Variants in CARNS1 observed in about 807,000 individuals in gnomAD.
CARNS1 encodes the protein carnosine synthase 1, also known as ATP-grasp domain containing 1.
A neutral mutation model predicts 74.0 loss-of-function variants in CARNS1; 61 were observed. That is an observed-to-expected ratio of 0.82 (90% confidence interval 0.67 to 1.02). CARNS1 has a LOEUF of 1.02. CARNS1 is among the 50% of genes least tolerant of loss of function. The pLI, the probability that CARNS1 is intolerant of heterozygous loss-of-function variation, is 0.00. For missense variants in CARNS1, 1,278 were observed against 1,308.4 expected (o/e 0.98, Z 0.36); for synonymous variants, 568 against 605.5 (o/e 0.94, Z 0.91).
At chr11:67,421,269 T>TGGAGGCGGGACCCCGGGGC in intron 9 of CARNS1, 50 bp downstream of exon 9, 1 of 1,392,698 alleles carries the variant, frequency 7.2e-7, no homozygotes, top group Non-Finnish European at 9.2e-7. Flanking sequence ...GCCCGAGTGG[T>TGGAGGCGGGACCCCGGGGC]GGAGGCGGGA....
chr11:67,416,537 A>C, intron 2 of CARNS1: 2 of 1,144,370 alleles, frequency 1.7e-6, no homozygotes, highest in Non-Finnish European at 1.1e-6. Context: ...TCTCCCAACA[A>C]CCAAGAGATT....
chr11:67,418,173 AAGTC>A (rs1307842094), intron 3 of CARNS1, among the ~76,000 whole-genome samples: 3 of 152,190 alleles, frequency 2.0e-5, no homozygotes, highest in African/African-American at 7.2e-5. Context: ...GTTACACAGA[AAGTC>A]AGAGCTCGGG....
At chr11:67,421,923 C>T (rs1456803067) in intron 9 of CARNS1, among the ~76,000 whole-genome samples, 2 of 151,706 alleles carry the variant, frequency 1.3e-5, no homozygotes, top group African/African-American at 2.4e-5. Context: ...GAGTCTTGCT[C>T]TGTCGCCCAG....
Position 67,425,108 on chromosome 11 carries a change from A to G in CARNS1, c.*507A>G. Reference sequence around the variant, plus strand: ...TGAAGCCTGCTGGAAACTTGGTGGCATCCAACCTGCCTCATTCGGCCTGAC... The same window carrying G: ...TGAAGCCTGCTGGAAACTTGGTGGCGTCCAACCTGCCTCATTCGGCCTGAC... On this transcript the variant is annotated 3_prime_UTR_variant, in exon 10 of 10. Transcript: ENST00000687366. The G allele has an allele frequency of 2.2e-6, 1 of 457,388 alleles. No homozygotes were observed. Among genetic ancestry groups the G allele is most frequent in the Non-Finnish European group, 4.4e-6 (1 of 227,788 alleles). The allele number at this position is 457,388 out of a possible 1,614,324, so 28.3% of individuals were successfully genotyped here.
intron 1 of CARNS1, 30 bp downstream of exon 1, chr11:67,415,793 G>C (rs1863529947): frequency 6.4e-6 from 1 of 156,896 alleles, no homozygotes. Flanking sequence ...GCCCCGGGGA[G>C]AGCCAGGGAG....
chr11:67,421,140 G>T lies in CARNS1; in HGVS notation c.1547G>T (p.Gly516Val). The T allele has an allele frequency of 1.3e-6, 2 of 1,489,996 alleles. No homozygotes were observed. Among genetic ancestry groups the T allele is most frequent in the Non-Finnish European group, 8.9e-7 (1 of 1,126,588 alleles). 92.3% of individuals were successfully genotyped at this position (1,489,996 alleles called of 1,614,324 possible). ...CGGTCGGCGCGCTGCCTCATGGAGG[G>T]AAAACAGCTGCTGGTGGTCGGCGCT... ...LRRSARCLME[G>V]KQLLVVGAGG... Residue 516 changes from glycine (G) to valine (V), a missense_variant, in exon 9 of 10, where the codon GGA becomes GTA. Coordinates refer to ENST00000687366, the MANE Select transcript of CARNS1 (RefSeq NM_001166222.2).
At chr11:67,418,549 C>T in intron 4 of CARNS1, 29 bp downstream of exon 4, 1 of 1,523,048 alleles carries the variant, frequency 6.6e-7, no homozygotes, top group Non-Finnish European at 8.8e-7. Context: ...TTCCCCATCC[C>T]CTTCTACAGA....
intron 7 of CARNS1, 95 bp downstream of exon 7, chr11:67,419,933 G>C: frequency 1.5e-6 from 2 of 1,298,272 alleles, no homozygotes; most frequent in Admixed American, 2.1e-5. Flanking sequence ...CCGTCTCTGG[G>C]CAGAGAGGAC....
Position 67,421,218 on chromosome 11 carries a change from A to G in CARNS1, c.1625A>G (p.Gln542Arg), listed in dbSNP as rs1214643706. ...VWEAARDYGL[Q>R]LHLVESDPNH... ...GAGGCGGCGCGCGACTACGGGCTCC[A>G]GGTGGGCGGGGCGCGGGGCGGGGCT... Residue 542 changes from glutamine (Q) to arginine (R), a missense_variant and splice_region_variant, in exon 9 of 10, where the codon CAG becomes CGG. Physicochemically the swap from Gln to Arg is conservative, Grantham distance 43. Transcript: ENST00000687366. 1 of 1,397,272 alleles carries G rather than the reference A, an allele frequency of 7.2e-7. No individual in the cohort carries two copies. The highest frequency in any genetic ancestry group is 9.4e-7 in the Non-Finnish European group (1 of 1,067,178). 86.6% of individuals were successfully genotyped at this position (1,397,272 alleles called of 1,614,324 possible). A position where few individuals can be genotyped will look rare whatever the true frequency, so the allele number is the denominator to read the frequency against.
chr11:67,417,752 C>A, intron 3 of CARNS1, 75 bp downstream of exon 3: 1 of 1,097,498 alleles, frequency 9.1e-7, no homozygotes, highest in Non-Finnish European at 1.2e-6. Flanking sequence ...CTTGCTCATC[C>A]CTGTCAAGGT....
At position 67,417,636 on chromosome 11, in the gene CARNS1, G is replaced by C. The variant is rs760009624; in HGVS notation, c.233G>C (p.Gly78Ala). ...CTGCAGAGCTGTCTGCAGCAAGCTGGCCTTCCGGAGACTCAGGACCGCGGC... is the reference window on the plus strand; with the variant it reads ...CTGCAGAGCTGTCTGCAGCAAGCTGCCCTTCCGGAGACTCAGGACCGCGGC... The part of the protein sequence containing the change: ...SLLQSCLQQA[G>A]LPETQDRGQV... The change falls in exon 3 of 10, where the codon GGC (glycine) becomes GCC (alanine). Residue 78 changes from glycine to alanine, a missense_variant. Gly to Ala is a moderately conservative substitution (Grantham distance 60, BLOSUM62 0). This residue lies in a region of CARNS1 where 104 missense variants were observed against 127.3 expected (regional missense o/e 0.82). Coordinates refer to ENST00000687366, the MANE Select transcript of CARNS1 (RefSeq NM_001166222.2). The C allele has an allele frequency of 4.7e-6, 6 of 1,269,698 alleles. No individual in the cohort carries two copies. In the African/African-American group the frequency reaches 9.3e-5, roughly 20 times the overall value. 78.7% of individuals were successfully genotyped at this position (1,269,698 alleles called of 1,614,324 possible).
rs145542336 is a variant in CARNS1, at chr11:67,419,773, G to A, written c.1048G>A (p.Gly350Ser). 128 of 1,604,812 alleles carry A rather than the reference G, an allele frequency of 8.0e-5. 1 individual carries two copies. The East Asian group carries it at 2.3e-3, about 29-fold the overall frequency. The change falls in exon 7 of 10, where the codon GGC (glycine) becomes AGC (serine). Residue 350 changes from glycine to serine, a missense_variant. Transcript: ENST00000687366. ...PCSDGPSPGP[G>S]LAVRICAVVC... Reference sequence around the variant, plus strand: ...CCCAGATGGTCCTTCACCCGGCCCCGGCCTGGCCGTGCGAATCTGTGCTGT... The same window carrying A: ...CCCAGATGGTCCTTCACCCGGCCCCAGCCTGGCCGTGCGAATCTGTGCTGT...
intron 9 of CARNS1, among the ~76,000 whole-genome samples, chr11:67,422,813 G>A (rs187141443): frequency 1.9e-3 from 289 of 152,338 alleles, no homozygotes; most frequent in African/African-American, 6.7e-3. Flanking sequence ...TGCCGAGGCT[G>A]TGTTACTTTG....
Position 67,423,250 on chromosome 11 carries a change from C to A in CARNS1, c.1627-125C>A. 1.1e-6 allele frequency: 1 copy of A among 940,934 alleles called. No individual in the cohort carries two copies. Among genetic ancestry groups the A allele is most frequent in the Non-Finnish European group, 1.6e-6 (1 of 625,866 alleles). The allele number at this position is 940,934 out of a possible 1,614,324, so 58.3% of individuals were successfully genotyped here. On this transcript the variant is annotated intron_variant, in intron 9 of 9. Transcript: ENST00000687366. This position sits in a 1 kb window ranked among gnomAD's most constrained non-coding sequence, Gnocchi z 5.1. ...ATTTATTCAGTCAATCCACAACACACATTTATTGAGCACCTAGTGTTTGTG... is the reference window on the plus strand; with the variant it reads ...ATTTATTCAGTCAATCCACAACACAAATTTATTGAGCACCTAGTGTTTGTG...
At position 67,417,450 on chromosome 11, in the gene CARNS1, G is replaced by T. The variant is rs1590956792; in HGVS notation, c.47G>T (p.Gly16Val). 4 of 1,435,196 alleles carry T rather than the reference G, an allele frequency of 2.8e-6. No homozygotes were observed. The highest frequency in any genetic ancestry group is 2.7e-6 in the Non-Finnish European group (3 of 1,096,192). 88.9% of individuals were successfully genotyped at this position (1,435,196 alleles called of 1,614,324 possible). A position where few individuals can be genotyped will look rare whatever the true frequency, so the allele number is the denominator to read the frequency against. Residue 16 changes from glycine (G) to valine (V), a missense_variant, in exon 3 of 10, where the codon GGC becomes GTC. Coordinates refer to ENST00000687366, the MANE Select transcript of CARNS1 (RefSeq NM_001166222.2). ...GGTCCCGAGTGGGATTGCCCACTGGGCTCCAAGGACCTGGAGGAAGAGGGC... is the reference window on the plus strand; with the variant it reads ...GGTCCCGAGTGGGATTGCCCACTGGTCTCCAAGGACCTGGAGGAAGAGGGC... Reference protein sequence around the residue: ...PSGPEWDCPLGSKDLEEEGPW... With the variant: ...PSGPEWDCPLVSKDLEEEGPW...
In CARNS1 at chr11:67,423,997, C is replaced by G. The variant is rs762855281; in HGVS notation, c.2249C>G (p.Ser750Cys). ...GGGCGGTTGCTGGCTGCCTTTGTCT[C>G]CGACAATGGCCCTACGAGGCTGCCT... The part of the protein sequence containing the change: ...FGGRLLAAFV[S>C]DNGPTRLPGF... Residue 750 changes from serine (S) to cysteine (C), a missense_variant, in exon 10 of 10, where the codon TCC becomes TGC. By Grantham distance (112) the Ser-to-Cys change is moderately radical. Transcript: ENST00000687366. This position sits in a 1 kb window ranked among gnomAD's most constrained non-coding sequence, Gnocchi z 5.1. 1 of 1,613,132 alleles carries G rather than the reference C, an allele frequency of 6.2e-7. No individual in the cohort carries two copies. Among genetic ancestry groups the G allele is most frequent in the South Asian group, 1.1e-5 (1 of 91,074 alleles).
At position 67,417,474 on chromosome 11, in the gene CARNS1, G is replaced by A. The variant is rs368882323; in HGVS notation, c.71G>A (p.Gly24Asp). Residue 24 changes from glycine to aspartate, a missense_variant, in exon 3 of 10, where the codon GGC becomes GAC. By Grantham distance (94) the Gly-to-Asp change is moderately conservative. Transcript: ENST00000687366. ...PLGSKDLEEE[G>D]PWGGGSGLPP... ...GGCTCCAAGGACCTGGAGGAAGAGG[G>A]CCCCTGGGGAGGGGGCTCTGGCCTG... The A allele has an allele frequency of 1.0e-5, 15 of 1,450,526 alleles. No individual in the cohort carries two copies. The East Asian group carries it at 1.7e-4, about 16-fold the overall frequency. 89.9% of individuals were successfully genotyped at this position (1,450,526 alleles called of 1,614,324 possible). A position where few individuals can be genotyped will look rare whatever the true frequency, so the allele number is the denominator to read the frequency against.
Position 67,419,856 on chromosome 11 carries a change from C to T in CARNS1, c.1113+18C>T. 6.4e-7 allele frequency: 1 copy of T among 1,561,252 alleles called. No individual in the cohort carries two copies. Among genetic ancestry groups the T allele is most frequent in the Non-Finnish European group, 8.7e-7 (1 of 1,153,252 alleles). On this transcript the variant is annotated intron_variant, in intron 7 of 9. Transcript: ENST00000687366. The stretch of plus-strand genomic sequence containing the variant: ...TGAGCAAGGTGAGCGTGGCCCAGGC[C>T]CAGGCTGTGACCCTGCCTGCCACAC...
In CARNS1 at chr11:67,421,103, A is replaced by C. The variant is rs1740115686; in HGVS notation, c.1510A>C (p.Thr504Pro). The change falls in exon 9 of 10, where the codon ACC (threonine) becomes CCC (proline). Residue 504 changes from threonine to proline, a missense_variant. Transcript: ENST00000687366. ...DEAVAAPLVE[T>P]MLRRSARCLM... is the part of the protein sequence containing the mutation. ...GGCGGTGGCGGCGCCGCTGGTGGAGACCATGCTTCGGCGGTCGGCGCGCTG... is the reference window on the plus strand; with the variant it reads ...GGCGGTGGCGGCGCCGCTGGTGGAGCCCATGCTTCGGCGGTCGGCGCGCTG... The C allele has an allele frequency of 1.4e-6, 2 of 1,445,914 alleles. No homozygotes were observed. The highest frequency in any genetic ancestry group is 3.0e-5 in the East Asian group (1 of 32,976). The allele number at this position is 1,445,914 out of a possible 1,614,324, so 89.6% of individuals were successfully genotyped here. A position where few individuals can be genotyped will look rare whatever the true frequency, so the allele number is the denominator to read the frequency against.
Sources: allele counts gnomAD v4.1 joint callset (sites outside exome capture counted in the v4.1 genomes callset), GRCh38; gene constraint gnomAD v4.1.1; regional missense constraint gnomAD v4.1.1; non-coding constraint Gnocchi (gnomAD v3.1); transcripts MANE v1.5; gene names NCBI Gene and HGNC (gene_info 2026-07-23, HGNC 2026-07-21).